Variants in CLVS1 observed in about 807,000 individuals in gnomAD.
The protein encoded by CLVS1 is clavesin 1.
CLVS1 carries 10 observed loss-of-function variants against 33.1 expected under a neutral mutation model. That is an observed-to-expected ratio of 0.30 (90% CI 0.19 to 0.51). CLVS1 has a LOEUF of 0.51. Among genes scored for constraint, CLVS1 ranks in the 20% least tolerant of loss-of-function variants. The probability of loss-of-function intolerance (pLI) is 0.97; values close to 1 mark genes in which losing one functional copy is unlikely to be tolerated. For synonymous variants in CLVS1, 163 were observed against 166.1 expected, an observed-to-expected ratio of 0.98 and a Z score of 0.14; for missense variants, 343 against 433.4, an observed-to-expected ratio of 0.79 and a Z score of 1.85.
At chr8:61,272,199 A>C (rs1443244465) in intron 2 of CLVS1, among the ~76,000 whole-genome samples, 1 of 150,990 alleles carries the variant, frequency 6.6e-6, no homozygotes, top group Non-Finnish European at 1.5e-5. Context: ...GTGGTGACAA[A>C]ATCTCTCAGC....
intron 2 of CLVS1, among the ~76,000 whole-genome samples, chr8:61,277,374 G>A (rs959976767): frequency 6.6e-6 from 1 of 152,212 alleles, no homozygotes; most frequent in Non-Finnish European, 1.5e-5. Flanking sequence ...ATAAGGTCCT[G>A]CTTCCTGAGG....
At chr8:61,166,031 G>GTTTTTTTTTTTTTTTTTTTTTT (rs71245557) in intron 2 of CLVS1, among the ~76,000 whole-genome samples, 1 of 108,372 alleles carries the variant, frequency 9.2e-6, no homozygotes, top group Non-Finnish European at 1.9e-5. Flanking sequence ...GCATCTAAGC[G>GTTTTTTTTTTTTTTTTTTTTTT]TTTTTTTTTT....
the CLVS1 span, among the ~76,000 whole-genome samples, chr8:60,994,494 C>A: frequency 6.6e-6 from 1 of 152,078 alleles, no homozygotes; most frequent in Non-Finnish European, 1.5e-5. Flanking sequence ...CTAAGCAAAC[C>A]TGTGGTCTGT....
At chr8:61,103,818 C>T (rs1805488956) in intron 1 of CLVS1, among the ~76,000 whole-genome samples, 1 of 152,164 alleles carries the variant, frequency 6.6e-6, no homozygotes, top group African/African-American at 2.4e-5. Context: ...AAGGGGTGAA[C>T]TTTAGGCAAG....
the CLVS1 span, among the ~76,000 whole-genome samples, chr8:61,012,604 T>C: frequency 1.9e-3 from 285 of 152,258 alleles, no homozygotes; most frequent in Middle Eastern, 3.4e-3. Context: ...GCATGACATG[T>C]ATATGGGTGG....
chr8:61,145,542 C>G (rs1585642177), intron 2 of CLVS1, among the ~76,000 whole-genome samples: 1 of 152,194 alleles, frequency 6.6e-6, no homozygotes, highest in African/African-American at 2.4e-5. Context: ...CAGGCCAGGT[C>G]CTTGGGGGCA....
intron 3 of CLVS1, among the ~76,000 whole-genome samples, chr8:61,422,356 C>T (rs959600464): frequency 1.3e-5 from 2 of 152,266 alleles, no homozygotes; most frequent in African/African-American, 4.8e-5. Context: ...GCTGGGTCTG[C>T]AGCACGTGAA....
At chr8:61,365,343 A>T (rs1039591606) in intron 2 of CLVS1, among the ~76,000 whole-genome samples, 3 of 152,152 alleles carry the variant, frequency 2.0e-5, no homozygotes, top group African/African-American at 4.8e-5. Context: ...CCTGGCCAAC[A>T]TGGTGAAACC....
intron 2 of CLVS1, among the ~76,000 whole-genome samples, chr8:61,249,396 T>G (rs1053988556): frequency 2.0e-5 from 3 of 152,204 alleles, no homozygotes; most frequent in Admixed American, 6.5e-5. Flanking sequence ...TGCATGTGTC[T>G]TTATAGTAGA....
intron 2 of CLVS1, among the ~76,000 whole-genome samples, chr8:61,223,720 G>A (rs1335523616): frequency 1.3e-5 from 2 of 152,144 alleles, no homozygotes; most frequent in African/African-American, 4.8e-5. Flanking sequence ...TTTGCATGTT[G>A]GCCTGTCTTG....
chr8:60,989,063 G>A, the CLVS1 span, among the ~76,000 whole-genome samples: 2 of 152,070 alleles, frequency 1.3e-5, no homozygotes, highest in Non-Finnish European at 2.9e-5. Context: ...AGAGATGGGG[G>A]TCTCCCTATG....
intron 2 of CLVS1, among the ~76,000 whole-genome samples, chr8:61,362,598 G>A (rs996480542): frequency 7.9e-5 from 12 of 152,170 alleles, no homozygotes; most frequent in Non-Finnish European, 1.3e-4. Flanking sequence ...ATAAATGCTG[G>A]TAGTATTCTC....
At chr8:61,420,807 G>A (rs1585947787) in intron 3 of CLVS1, among the ~76,000 whole-genome samples, 2 of 151,152 alleles carry the variant, frequency 1.3e-5, no homozygotes, top group African/African-American at 4.9e-5. Context: ...CATCTCTACT[G>A]AAAATACAAA....
At chr8:61,197,861 C>T (rs1206315890) in intron 2 of CLVS1, among the ~76,000 whole-genome samples, 2 of 152,134 alleles carry the variant, frequency 1.3e-5, no homozygotes, top group South Asian at 2.1e-4. Flanking sequence ...AGGGCAGCAC[C>T]GAGTTCAATG....
intron 3 of CLVS1, among the ~76,000 whole-genome samples, chr8:61,381,704 C>T (rs1194257640): frequency 1.3e-5 from 2 of 152,056 alleles, no homozygotes; most frequent in Admixed American, 6.6e-5. Flanking sequence ...ATTTTTTGTT[C>T]CTACGTTAGT....
chr8:61,281,035 C>G (rs1364879572), intron 2 of CLVS1, among the ~76,000 whole-genome samples: 1 of 152,198 alleles, frequency 6.6e-6, no homozygotes, highest in Non-Finnish European at 1.5e-5. Context: ...GGAGACAATC[C>G]TCCTCAAATC....
the CLVS1 span, among the ~76,000 whole-genome samples, chr8:61,014,744 G>T: frequency 6.6e-6 from 1 of 152,236 alleles, no homozygotes; most frequent in African/African-American, 2.4e-5. Flanking sequence ...TGGAGTAAAT[G>T]AGGTAATTAT....
At chr8:61,495,543 G>A (rs1342239348) in intron 5 of CLVS1, among the ~76,000 whole-genome samples, 2 of 152,092 alleles carry the variant, frequency 1.3e-5, no homozygotes, top group Non-Finnish European at 1.5e-5. Flanking sequence ...CATTTGGATG[G>A]GTAACAAATT....
chr8:61,036,576 C>T, the CLVS1 span, among the ~76,000 whole-genome samples: 1 of 152,174 alleles, frequency 6.6e-6, no homozygotes, highest in Non-Finnish European at 1.5e-5. Flanking sequence ...TTGTCCTCTC[C>T]TCCCCCTCCT....
Sources: gnomAD v4.1 joint callset for allele counts (sites outside exome capture counted in the v4.1 genomes callset) on GRCh38, gnomAD v4.1.1 for gene constraint, MANE v1.5 for transcripts, NCBI Gene and HGNC (gene_info 2026-07-23, HGNC 2026-07-21) for gene names.